Variants in BLNK observed in about 807,000 individuals in gnomAD.
BLNK encodes the protein B cell linker.
A neutral mutation model predicts 73.5 loss-of-function variants in BLNK; 29 were observed. That is an observed-to-expected ratio of 0.39 (90% CI 0.29 to 0.54). The LOEUF (loss-of-function observed/expected upper bound fraction) is 0.54, where lower values mean the gene tolerates loss of function less well. Among genes scored for constraint, BLNK ranks in the 20% least tolerant of loss-of-function variants. The pLI is 0.61. For synonymous variants in BLNK, 176 were observed against 200.8 expected, an observed-to-expected ratio of 0.88 and a Z score of 1.04; for missense variants, 460 against 562.8, an observed-to-expected ratio of 0.82 and a Z score of 1.85.
intron 11 of BLNK, chr10:96,204,841 C>G: frequency 4.0e-6 from 2 of 501,716 alleles, no homozygotes; most frequent in Non-Finnish European, 7.3e-6. Flanking sequence ...CATCCTACCA[C>G]CTCTGCATTC....
At chr10:96,240,264 A>T (rs1390116027) in intron 3 of BLNK, among the ~76,000 whole-genome samples, 1 of 152,216 alleles carries the variant, frequency 6.6e-6, no homozygotes, top group Non-Finnish European at 1.5e-5. Context: ...GTCACACAGG[A>T]CACACTCATG....
At chr10:96,270,237 T>G (rs1405858776) in intron 1 of BLNK, among the ~76,000 whole-genome samples, 3 of 152,230 alleles carry the variant, frequency 2.0e-5, no homozygotes. Context: ...AAGCACCTCC[T>G]AGGCATAAGA....
In BLNK at chr10:96,228,496, A is replaced by G. The variant is rs1394007366; in HGVS notation, c.205-930T>C. Among the ~76,000 whole-genome samples, 5 of 152,274 alleles carry G rather than the reference A, an allele frequency of 3.3e-5. No homozygotes were observed. In the South Asian group the frequency reaches 1.0e-3, roughly 32 times the overall value. Reference sequence around the variant, plus strand: ...GGTCTCAAACTCCTGACCTCAGGTGATCTGCCAGCCTCGGCCTCCCAAAGC... The same window carrying G: ...GGTCTCAAACTCCTGACCTCAGGTGGTCTGCCAGCCTCGGCCTCCCAAAGC... On this transcript the variant is annotated intron_variant, in intron 4 of 16. Coordinates refer to ENST00000224337, the MANE Select transcript of BLNK (RefSeq NM_013314.4).
Position 96,244,655 on chromosome 10 carries a change from C to A in BLNK, c.114-1871G>T, listed in dbSNP as rs117162718. On this transcript the variant is annotated intron_variant, in intron 2 of 16. Coordinates refer to ENST00000224337, the MANE Select transcript of BLNK (RefSeq NM_013314.4). ...AAGTGTAACTGCAAGTCACTTTGAGCTAAAGGGCCCCTGACGTCACCCGGG... is the reference window on the plus strand; with the variant it reads ...AAGTGTAACTGCAAGTCACTTTGAGATAAAGGGCCCCTGACGTCACCCGGG... 8.5e-5 allele frequency among the ~76,000 whole-genome samples: 13 copies of A among 152,266 alleles called. No individual in the cohort carries two copies. The East Asian group carries it at 2.3e-3, about 27-fold the overall frequency.
chr10:96,250,265 C>T (rs994197901), intron 1 of BLNK, among the ~76,000 whole-genome samples: 1 of 152,110 alleles, frequency 6.6e-6, no homozygotes, highest in Non-Finnish European at 1.5e-5. Flanking sequence ...CTACAGTTTT[C>T]TAGAATTTGT....
chr10:96,218,679 CAAAAAAA>C (rs10706950), intron 6 of BLNK, among the ~76,000 whole-genome samples: 1 of 124,268 alleles, frequency 8.0e-6, no homozygotes, highest in East Asian at 2.2e-4. Context: ...ACCTTGTCTC[CAAAAAAA>C]AAAAAAAAAA....
chr10:96,215,287 C>G, intron 8 of BLNK, 34 bp downstream of exon 8: 1 of 1,592,982 alleles, frequency 6.3e-7, no homozygotes, highest in Non-Finnish European at 8.6e-7. Flanking sequence ...TTGAAATAGA[C>G]GTAAAACCAA....
intron 1 of BLNK, among the ~76,000 whole-genome samples, chr10:96,253,674 T>C (rs1357617421): frequency 6.6e-6 from 1 of 152,228 alleles, no homozygotes; most frequent in African/African-American, 2.4e-5. Flanking sequence ...ACAAATTTTC[T>C]AGGCCTGGTG....
chr10:96,226,331 A>C (rs1291990102), intron 5 of BLNK, among the ~76,000 whole-genome samples: 3 of 152,246 alleles, frequency 2.0e-5, no homozygotes, highest in Non-Finnish European at 2.9e-5. Context: ...GTGGCAACCC[A>C]GTAAGCCCAG....
At chr10:96,245,837 C>T (rs1306064714) in intron 2 of BLNK, among the ~76,000 whole-genome samples, 1 of 152,136 alleles carries the variant, frequency 6.6e-6, no homozygotes, top group Non-Finnish European at 1.5e-5. Context: ...CTTATACACA[C>T]ATACATACAT....
intron 13 of BLNK, among the ~76,000 whole-genome samples, chr10:96,202,318 G>A (rs1163143212): frequency 7.2e-5 from 11 of 152,200 alleles, no homozygotes; most frequent in Admixed American, 7.2e-4. Context: ...GGCAACAGCA[G>A]AGTGGGGGAG....
chr10:96,230,259 C>T (rs990556796), intron 4 of BLNK, among the ~76,000 whole-genome samples: 1 of 152,186 alleles, frequency 6.6e-6, no homozygotes. Flanking sequence ...TTGATCACAG[C>T]AAGCACCTTG....
intron 6 of BLNK, 66 bp from the exon 7 acceptor site, chr10:96,216,800 G>A (rs2084077438): frequency 3.7e-6 from 5 of 1,366,506 alleles, no homozygotes; most frequent in Non-Finnish European, 5.2e-6. Context: ...ATGGGAGGGA[G>A]TGATTTTTTT....
At chr10:96,212,069 A>G (rs1009834406) in intron 8 of BLNK, among the ~76,000 whole-genome samples, 2 of 152,170 alleles carry the variant, frequency 1.3e-5, no homozygotes, top group African/African-American at 4.8e-5. Flanking sequence ...CTTTTCTTGC[A>G]TATCTCAGAA....
chr10:96,250,929 A>G (rs1365573679), intron 1 of BLNK, among the ~76,000 whole-genome samples: 2 of 152,222 alleles, frequency 1.3e-5, no homozygotes, highest in Non-Finnish European at 2.9e-5. Context: ...TTATGGATGC[A>G]TGTGATATTT....
chr10:96,218,719 T>C (rs1435538273), intron 6 of BLNK, among the ~76,000 whole-genome samples: 1 of 150,770 alleles, frequency 6.6e-6, no homozygotes, highest in Non-Finnish European at 1.5e-5. Flanking sequence ...GGATTTGAAC[T>C]CAAGCAGTTC....
At chr10:96,251,537 G>T (rs1843286081) in intron 1 of BLNK, among the ~76,000 whole-genome samples, 1 of 152,120 alleles carries the variant, frequency 6.6e-6, no homozygotes, top group African/African-American at 2.4e-5. Flanking sequence ...GTGGGGAGAT[G>T]GATAATAAGG....
intron 11 of BLNK, chr10:96,205,051 T>G (rs2083760748): frequency 8.9e-6 from 2 of 225,912 alleles, no homozygotes; most frequent in African/African-American, 4.5e-5. Context: ...ATAAGCAGTG[T>G]GTTACTGATA....
chr10:96,225,140 C>T (rs185159699), intron 5 of BLNK, among the ~76,000 whole-genome samples: 347 of 152,292 alleles, frequency 2.3e-3, no homozygotes, highest in African/African-American at 7.8e-3. Flanking sequence ...GTGAGAGAGG[C>T]GTTAGGCGGC....
Sources: allele counts gnomAD v4.1 joint callset (sites outside exome capture counted in the v4.1 genomes callset), GRCh38; gene constraint gnomAD v4.1.1; transcripts MANE v1.5; gene names NCBI Gene and HGNC (gene_info 2026-07-23, HGNC 2026-07-21).